Variants in SH3D19 observed in about 807,000 individuals in gnomAD.
The protein encoded by SH3D19 is SH3 domain containing 19.
A neutral mutation model predicts 112.1 loss-of-function variants in SH3D19; 58 were observed. The ratio of observed to expected loss-of-function variants is 0.52; its 90% CI spans 0.42 to 0.64. The LOEUF is 0.64. Among genes scored for constraint, SH3D19 ranks in the 30% least tolerant of loss-of-function variants. The pLI is 0.00. For missense variants in SH3D19, 1,090 were observed against 1,263.4 expected, an observed-to-expected ratio of 0.86 and a Z score of 2.08; for synonymous variants, 391 against 448.5, an observed-to-expected ratio of 0.87 and a Z score of 1.62.
At chr4:151,238,761 GA>G (rs1270539815) in intron 1 of SH3D19, among the ~76,000 whole-genome samples, 1 of 150,536 alleles carries the variant, frequency 6.6e-6, no homozygotes, top group Non-Finnish European at 1.5e-5. Context: ...ACATTAGAGT[GA>G]AAAAAAAATC....
intron 1 of SH3D19, chr4:151,282,260 G>C: frequency 6.2e-7 from 1 of 1,613,956 alleles, no homozygotes; most frequent in South Asian, 1.1e-5. Flanking sequence ...CAAGTACCAA[G>C]ATACAACGGC....
At chr4:151,234,245 GTTC>G (rs1338677509) in intron 1 of SH3D19, among the ~76,000 whole-genome samples, 4 of 152,296 alleles carry the variant, frequency 2.6e-5, no homozygotes, top group Admixed American at 1.3e-4. Context: ...CTTTTTAATA[GTTC>G]TTCTTCGAAA....
Position 151,176,626 on chromosome 4 carries a change from T to C in SH3D19, c.437A>G (p.Asn146Ser). 1 of 1,231,780 alleles carries C rather than the reference T, an allele frequency of 8.1e-7. No individual in the cohort carries two copies. Among genetic ancestry groups the C allele is most frequent in the Non-Finnish European group, 1.0e-6 (1 of 987,628 alleles). 76.3% of individuals were successfully genotyped at this position (1,231,780 alleles called of 1,614,324 possible). Residue 146 changes from asparagine to serine, a missense_variant, in exon 6 of 20, where the codon AAT (asparagine) becomes AGT (serine). Physicochemically the swap from Asn to Ser is conservative, Grantham distance 46. Coordinates refer to ENST00000604030, the MANE Select transcript of SH3D19 (RefSeq NM_001378122.1). ...TGGAGTAGCAGCAGCATTATTATTATTTGTAGTATTAACTTGAACTTGGTT... is the reference window on the plus strand; with the variant it reads ...TGGAGTAGCAGCAGCATTATTATTACTTGTAGTATTAACTTGAACTTGGTT... ...EINQVQVNTT[N>S]NNNAAATPRH...
chr4:151,255,241 C>T (rs1383854728), intron 1 of SH3D19, among the ~76,000 whole-genome samples: 1 of 148,174 alleles, frequency 6.7e-6, no homozygotes, highest in African/African-American at 2.5e-5. Flanking sequence ...GGGGCGGCTG[C>T]CGGGCGGAGG....
intron 1 of SH3D19, among the ~76,000 whole-genome samples, chr4:151,315,845 A>G (rs1729930523): frequency 1.3e-5 from 2 of 152,176 alleles, no homozygotes; most frequent in Non-Finnish European, 2.9e-5. Context: ...TAGATACTTT[A>G]CCCTTAAAGA....
chr4:151,206,869 C>G (rs1327992072), intron 2 of SH3D19, among the ~76,000 whole-genome samples: 5 of 152,152 alleles, frequency 3.3e-5, no homozygotes, highest in African/African-American at 1.2e-4. Flanking sequence ...ACTACATCAC[C>G]TCCGCTTCAG....
At chr4:151,197,203 CA>C (rs917326418) in intron 2 of SH3D19, among the ~76,000 whole-genome samples, 9 of 146,846 alleles carry the variant, frequency 6.1e-5, no homozygotes, top group Non-Finnish European at 7.5e-5. Flanking sequence ...AAGACGATCT[CA>C]AAAAAAAAAG....
At chr4:151,320,191 T>C (rs1376955812) in intron 1 of SH3D19, among the ~76,000 whole-genome samples, 1 of 152,214 alleles carries the variant, frequency 6.6e-6, no homozygotes, top group Non-Finnish European at 1.5e-5. Context: ...CTTCCAGGGT[T>C]TACCATAAAC....
intron 1 of SH3D19, among the ~76,000 whole-genome samples, chr4:151,228,311 G>T (rs1453380963): frequency 6.6e-6 from 1 of 151,998 alleles, no homozygotes; most frequent in Non-Finnish European, 1.5e-5. Flanking sequence ...TGAGGGTAAG[G>T]GTAAATTATC....
At chr4:151,255,475 C>A (rs996029863) in intron 1 of SH3D19, among the ~76,000 whole-genome samples, 1 of 151,500 alleles carries the variant, frequency 6.6e-6, no homozygotes, top group African/African-American at 2.4e-5. Flanking sequence ...TGATGGCGGC[C>A]GGGAAGAGGT....
At position 151,133,202 on chromosome 4, in the gene SH3D19, C is replaced by T; in HGVS notation, c.2521G>A (p.Gly841Arg). The T allele has an allele frequency of 6.2e-7, 1 of 1,614,058 alleles. No individual in the cohort carries two copies. Among genetic ancestry groups the T allele is most frequent in the South Asian group, 1.1e-5 (1 of 91,070 alleles). ...AAACTCAACTCATCCTTCTGCTCTC[C>T]AATATATTCAAACCGAGCAACACAT... ...SRCVARFEYI[G>R]EQKDELSFSE... is the part of the protein sequence containing the mutation. Residue 841 changes from glycine (G) to arginine (R), a missense_variant, in exon 16 of 20, where the codon GGA becomes AGA. Coordinates refer to ENST00000604030, the MANE Select transcript of SH3D19 (RefSeq NM_001378122.1).
intron 2 of SH3D19, among the ~76,000 whole-genome samples, chr4:151,191,548 T>C (rs1308121408): frequency 2.0e-5 from 3 of 152,172 alleles, no homozygotes; most frequent in Admixed American, 6.5e-5. Context: ...GAAGATCTGA[T>C]GGTTTTAAAA....
intron 14 of SH3D19, among the ~76,000 whole-genome samples, chr4:151,137,283 A>T (rs1174858499): frequency 6.6e-6 from 1 of 152,178 alleles, no homozygotes; most frequent in East Asian, 1.9e-4. Context: ...ATTTTTTTTT[A>T]AAGATGGAGA....
intron 1 of SH3D19, among the ~76,000 whole-genome samples, chr4:151,237,129 C>T (rs1273856635): frequency 1.3e-5 from 2 of 152,126 alleles, no homozygotes; most frequent in East Asian, 1.9e-4. Context: ...TGCAGCTTCA[C>T]TCCTGAAGCC....
chr4:151,246,155 A>C (rs1252824196), intron 1 of SH3D19, among the ~76,000 whole-genome samples: 2 of 152,196 alleles, frequency 1.3e-5, no homozygotes, highest in African/African-American at 4.8e-5. Flanking sequence ...TAAATAGCTA[A>C]AGTTACAAAA....
intron 1 of SH3D19, among the ~76,000 whole-genome samples, chr4:151,275,819 C>A (rs1023533869): frequency 1.4e-5 from 2 of 147,596 alleles, no homozygotes; most frequent in African/African-American, 5.0e-5. Context: ...CCACGCCCAG[C>A]CACTTCTATT....
At chr4:151,168,254 T>C (rs1758444014) in intron 7 of SH3D19, among the ~76,000 whole-genome samples, 1 of 152,064 alleles carries the variant, frequency 6.6e-6, no homozygotes, top group African/African-American at 2.4e-5. Flanking sequence ...ACTTCAGTTG[T>C]GGGCAGAAGG....
chr4:151,167,798 C>A (rs1321198938), intron 7 of SH3D19, among the ~76,000 whole-genome samples: 3 of 151,176 alleles, frequency 2.0e-5, no homozygotes, highest in African/African-American at 7.4e-5. Flanking sequence ...AGCGCCTCTG[C>A]CTGGCTGCCG....
At position 151,237,119 on chromosome 4, in the gene SH3D19, T is replaced by A. The variant is rs1170524391; in HGVS notation, c.113-11033A>T. On this transcript the variant is annotated intron_variant, in intron 1 of 19. Transcript: ENST00000604030. ...AGCTGTAACATGCACCGCGAAAGTC[T>A]GCAGCTTCACTCCTGAAGCCAGCGA... 2.0e-5 allele frequency among the ~76,000 whole-genome samples: 3 copies of A among 152,108 alleles called. No individual in the cohort carries two copies. In the East Asian group the frequency reaches 5.8e-4, roughly 29 times the overall value.
Sources: gnomAD v4.1 joint callset for allele counts (sites outside exome capture counted in the v4.1 genomes callset) on GRCh38, gnomAD v4.1.1 for gene constraint, MANE v1.5 for transcripts, NCBI Gene and HGNC (gene_info 2026-07-23, HGNC 2026-07-21) for gene names.